Variants in ITGA1 observed in about 807,000 individuals in gnomAD.
ITGA1 encodes the protein integrin subunit alpha 1.
ITGA1 carries 85 observed loss-of-function variants against 145.9 expected under a neutral mutation model. The observed-to-expected ratio is 0.58, with a 90% CI of 0.49 to 0.70. The LOEUF (loss-of-function observed/expected upper bound fraction) is 0.70, where lower values mean the gene tolerates loss of function less well. ITGA1 is among the 30% of genes least tolerant of loss of function. ITGA1 has a pLI of 0.00. For synonymous variants in ITGA1, 520 were observed against 495.3 expected, an observed-to-expected ratio of 1.05 and a Z score of -0.66; for missense variants, 1,351 against 1,418.7, an observed-to-expected ratio of 0.95 and a Z score of 0.77.
At chr5:52,878,213 T>C (rs1749897609) in intron 6 of ITGA1, among the ~76,000 whole-genome samples, 1 of 152,146 alleles carries the variant, frequency 6.6e-6, no homozygotes, top group African/African-American at 2.4e-5. Context: ...GTAGCTCAAG[T>C]GCAGTCATCT....
intron 26 of ITGA1, among the ~76,000 whole-genome samples, chr5:52,942,697 A>ATTT (rs371386724): frequency 7.3e-6 from 1 of 137,854 alleles, no homozygotes; most frequent in East Asian, 2.1e-4. Context: ...TGCCCGGCTA[A>ATTT]TTTTTTTTTT....
In ITGA1 at chr5:52,920,917, C is replaced by T. The variant is rs555245754; in HGVS notation, c.2292+449C>T. On this transcript the variant is annotated intron_variant, in intron 17 of 28. Coordinates refer to ENST00000282588, the MANE Select transcript of ITGA1 (RefSeq NM_181501.2). Reference sequence around the variant, plus strand: ...GGATCCATGTAACTACATATCTCGCCGTTTGATTTTAGAGCGAAGGGGAAA... The same window carrying T: ...GGATCCATGTAACTACATATCTCGCTGTTTGATTTTAGAGCGAAGGGGAAA... Among the ~76,000 whole-genome samples, 17 of 151,676 alleles carry T rather than the reference C, an allele frequency of 1.1e-4. No homozygotes were observed. The South Asian group carries it at 2.9e-3, about 26-fold the overall frequency.
chr5:52,888,539 T>C (rs1273618570), intron 8 of ITGA1, among the ~76,000 whole-genome samples: 1 of 152,248 alleles, frequency 6.6e-6, no homozygotes, highest in Admixed American at 6.5e-5. Flanking sequence ...GACACTTGCT[T>C]TTCAGCGAAG....
chr5:52,883,234 G>T (rs1216931221), intron 7 of ITGA1, among the ~76,000 whole-genome samples: 1 of 152,300 alleles, frequency 6.6e-6, no homozygotes. Context: ...GTAAGTCAAA[G>T]TGTTCTTTGA....
At chr5:52,883,916 C>A (rs896216149) in intron 7 of ITGA1, among the ~76,000 whole-genome samples, 1 of 152,088 alleles carries the variant, frequency 6.6e-6, no homozygotes, top group African/African-American at 2.4e-5. Context: ...ATAAAGCCAG[C>A]CCTGAGTTTA....
intron 1 of ITGA1, among the ~76,000 whole-genome samples, chr5:52,814,742 G>T (rs544806795): frequency 2.1e-4 from 32 of 151,974 alleles, no homozygotes; most frequent in Non-Finnish European, 3.8e-4. Flanking sequence ...AAAAAAAGGG[G>T]GGGAAAGAAA....
At chr5:52,923,686 T>A (rs1355814103) in intron 18 of ITGA1, among the ~76,000 whole-genome samples, 4 of 152,214 alleles carry the variant, frequency 2.6e-5, no homozygotes, top group Non-Finnish European at 5.9e-5. Context: ...TTGTTGGAGT[T>A]TAAGAAAACT....
At chr5:52,925,577 T>C (rs1750793567) in intron 19 of ITGA1, 90 bp downstream of exon 19, 10 of 975,218 alleles carry the variant, frequency 1.0e-5, no homozygotes, top group Non-Finnish European at 1.6e-5. Context: ...TTTTATTAGA[T>C]TGATTTTGAA....
intron 19 of ITGA1, among the ~76,000 whole-genome samples, chr5:52,926,432 C>G (rs1278833297): frequency 6.6e-6 from 1 of 151,974 alleles, no homozygotes; most frequent in Non-Finnish European, 1.5e-5. Context: ...GAAACCCCCT[C>G]TCTACTAAAA....
At position 52,918,856 on chromosome 5, in the gene ITGA1, G is replaced by C. The variant is rs761828748; in HGVS notation, c.2113G>C (p.Asp705His). ...ATGCATAAATGCTACAGTGTGTTTTGATGTGAAATTAAAGTCTAAAGAAGA... is the reference window on the plus strand; with the variant it reads ...ATGCATAAATGCTACAGTGTGTTTTCATGTGAAATTAAAGTCTAAAGAAGA... ...TVCINATVCFDVKLKSKEDTI... is the reference protein window; with the variant it reads ...TVCINATVCFHVKLKSKEDTI... The change falls in exon 16 of 29, where the codon GAT (aspartate) becomes CAT (histidine). Residue 705 changes from aspartate to histidine, a missense_variant. Asp to His is a moderately conservative substitution (Grantham distance 81, BLOSUM62 -1). Transcript: ENST00000282588. The C allele has an allele frequency of 6.2e-7, 1 of 1,605,052 alleles. No individual in the cohort carries two copies. Among genetic ancestry groups the C allele is most frequent in the South Asian group, 1.1e-5 (1 of 88,232 alleles).
At chr5:52,802,721 A>G (rs1163621131) in intron 1 of ITGA1, 1 of 152,120 alleles carries the variant, frequency 6.6e-6, no homozygotes, top group Non-Finnish European at 1.5e-5. Context: ...GTTATACTTA[A>G]TTCTGTTTTA....
chr5:52,887,797 T>C lies in ITGA1; in HGVS notation c.774-18T>C. 1 of 1,602,932 alleles carries C rather than the reference T, an allele frequency of 6.2e-7. No individual in the cohort carries two copies. ...AGTGGTGTCTTATCAACCTCTCTTTTGTTTGTGATTACTTTAGAAAGGAGG... is the reference window on the plus strand; with the variant it reads ...AGTGGTGTCTTATCAACCTCTCTTTCGTTTGTGATTACTTTAGAAAGGAGG... On this transcript the variant is annotated intron_variant, in intron 7 of 28. Coordinates refer to ENST00000282588, the MANE Select transcript of ITGA1 (RefSeq NM_181501.2).
chr5:52,919,506 A>G (rs1750700668), intron 16 of ITGA1, among the ~76,000 whole-genome samples: 1 of 152,132 alleles, frequency 6.6e-6, no homozygotes, highest in Non-Finnish European at 1.5e-5. Flanking sequence ...ATATGCTCGA[A>G]TCAAAGCTAT....
intron 1 of ITGA1, among the ~76,000 whole-genome samples, chr5:52,814,080 T>A (rs868487115): frequency 5.3e-5 from 8 of 152,190 alleles, no homozygotes; most frequent in Admixed American, 2.0e-4. Flanking sequence ...CTGTTTTATG[T>A]AGCCCTGTTG....
intron 13 of ITGA1, among the ~76,000 whole-genome samples, chr5:52,909,688 A>AC: frequency 6.8e-6 from 1 of 146,572 alleles, no homozygotes; most frequent in African/African-American, 2.7e-5. Context: ...CCTCCTGTCA[A>AC]CTTTTTTTGT....
chr5:52,810,635 C>T (rs6860977), intron 1 of ITGA1, among the ~76,000 whole-genome samples: 40,169 of 152,060 alleles, frequency 0.26, 5,574 homozygotes, highest in Non-Finnish European at 0.3. Flanking sequence ...TGGGAAAGTG[C>T]GAAGACTGAT....
Position 52,887,797 on chromosome 5 carries a change from TG to T in ITGA1, c.774-17del. On this transcript the variant is annotated splice_polypyrimidine_tract_variant and intron_variant, in intron 7 of 28. Transcript: ENST00000282588. ...AGTGGTGTCTTATCAACCTCTCTTT[TG>T]TTTGTGATTACTTTAGAAAGGAGGC... 1.2e-6 allele frequency: 2 copies of T among 1,602,932 alleles called. No homozygotes were observed. Among genetic ancestry groups the T allele is most frequent in the Non-Finnish European group, 1.7e-6 (2 of 1,173,280 alleles).
chr5:52,820,462 T>G (rs1748859337), intron 1 of ITGA1, among the ~76,000 whole-genome samples: 1 of 149,816 alleles, frequency 6.7e-6, no homozygotes, highest in African/African-American at 2.5e-5. Flanking sequence ...ACATGGCACA[T>G]GTATACATAT....
intron 1 of ITGA1, among the ~76,000 whole-genome samples, chr5:52,842,054 A>G (rs1212612610): frequency 2.0e-5 from 3 of 152,210 alleles, no homozygotes; most frequent in Admixed American, 6.5e-5. Context: ...TTAATATACT[A>G]GAAAGAGTCA....
Sources: gnomAD v4.1 joint callset for allele counts (sites outside exome capture counted in the v4.1 genomes callset) on GRCh38, gnomAD v4.1.1 for gene constraint, MANE v1.5 for transcripts, NCBI Gene and HGNC (gene_info 2026-07-23, HGNC 2026-07-21) for gene names.